KMT2C: variants seen among roughly 807,000 people sequenced by gnomAD.
The protein encoded by KMT2C is histone-lysine N-methyltransferase 2C.
KMT2C carries 88 observed loss-of-function variants against 507.9 expected under a neutral mutation model. The ratio of observed to expected loss-of-function variants is 0.17; its 90% CI spans 0.15 to 0.21. KMT2C has a LOEUF of 0.21. Among genes scored for constraint, KMT2C ranks in the 10% least tolerant of loss-of-function variants. The pLI is 1.00. For missense variants in KMT2C, 4,954 were observed against 5,957.8 expected, an observed-to-expected ratio of 0.83 and a Z score of 5.55; for synonymous variants, 2,049 against 2,080.8, an observed-to-expected ratio of 0.98 and a Z score of 0.42.
chr7:152,361,290 G>A (rs747147641), intron 1 of KMT2C, among the ~76,000 whole-genome samples: 4 of 152,190 alleles, frequency 2.6e-5, no homozygotes, highest in Non-Finnish European at 4.4e-5. Context: ...GCTGGGCACG[G>A]TGGCTCACGC....
chr7:152,346,310 T>G (rs1438555493), intron 2 of KMT2C, among the ~76,000 whole-genome samples: 1 of 152,160 alleles, frequency 6.6e-6, no homozygotes, highest in East Asian at 1.9e-4. Flanking sequence ...ATGGGACACT[T>G]ACAAGGTAGA....
intron 7 of KMT2C, among the ~76,000 whole-genome samples, chr7:152,266,711 C>T (rs1290950948): frequency 2.0e-5 from 3 of 152,292 alleles, no homozygotes; most frequent in African/African-American, 4.8e-5. Context: ...ATATTTTAGG[C>T]TTTGTGAGCC....
intron 55 of KMT2C, among the ~76,000 whole-genome samples, chr7:152,141,547 TAA>T (rs201057479): frequency 1.2e-4 from 16 of 130,290 alleles, no homozygotes; most frequent in East Asian, 2.2e-4. Context: ...CATCTCTACT[TAA>T]AAAAAAAAAA....
chr7:152,323,801 CAGGGA>C (rs1308678613), intron 3 of KMT2C, among the ~76,000 whole-genome samples: 1 of 78,840 alleles, frequency 1.3e-5, no homozygotes, highest in Non-Finnish European at 2.5e-5. Context: ...GGAAGGGAGG[CAGGGA>C]GGGGAGGGGA....
rs528796247 is a variant in KMT2C, at chr7:152,319,177, C to T, written c.390-3839G>A. ...TGTGGGCAGCAAGCCACCCAGGTGC[C>T]GAGGCAAGAGACCAAGGGCACGAGC... On this transcript the variant is annotated intron_variant, in intron 3 of 58. Coordinates refer to ENST00000262189, the MANE Select transcript of KMT2C (RefSeq NM_170606.3). Among the ~76,000 whole-genome samples the T allele has an allele frequency of 1.6e-4, 25 of 151,976 alleles. No homozygotes were observed. In the South Asian group the frequency reaches 4.8e-3, roughly 29 times the overall value.
chr7:152,227,637 G>A (rs969359802), intron 18 of KMT2C, among the ~76,000 whole-genome samples: 3 of 152,216 alleles, frequency 2.0e-5, no homozygotes, highest in African/African-American at 7.2e-5. Flanking sequence ...TGGCCTCGCT[G>A]AGGTTAGGGA....
intron 31 of KMT2C, among the ~76,000 whole-genome samples, chr7:152,189,841 A>G (rs61179006): frequency 0.05 from 7,619 of 152,190 alleles, 321 homozygotes; most frequent in East Asian, 0.17. Flanking sequence ...TGCCACATCT[A>G]TTTTCAACTT....
intron 26 of KMT2C, among the ~76,000 whole-genome samples, chr7:152,202,607 G>C (rs2094180337): frequency 6.6e-6 from 1 of 152,126 alleles, no homozygotes; most frequent in African/African-American, 2.4e-5. Context: ...AATTTCAACA[G>C]AACTTGGGTG....
intron 6 of KMT2C, among the ~76,000 whole-genome samples, chr7:152,296,066 T>C (rs749578615): frequency 7.8e-5 from 3 of 38,296 alleles, no homozygotes; most frequent in South Asian, 8.7e-4. Flanking sequence ...AGACTCCGTC[T>C]CAAAAAAAAA....
chr7:152,193,919 A>C, intron 31 of KMT2C, 90 bp downstream of exon 31: 1 of 1,232,898 alleles, frequency 8.1e-7, no homozygotes, highest in Non-Finnish European at 1.1e-6. Context: ...CTACTAAAGA[A>C]TAGGGCAAAA....
intron 31 of KMT2C, among the ~76,000 whole-genome samples, chr7:152,188,870 A>G (rs1260779172): frequency 1.3e-5 from 2 of 152,038 alleles, no homozygotes; most frequent in Non-Finnish European, 2.9e-5. Context: ...CAGCCTCCCA[A>G]AGTGCTGGGA....
At chr7:152,311,670 A>AT (rs925676725) in intron 5 of KMT2C, 128 bp downstream of exon 5, 3 of 704,260 alleles carry the variant, frequency 4.3e-6, no homozygotes, top group Non-Finnish European at 6.4e-6. Flanking sequence ...TTTAATAATG[A>AT]TTTTTTTATA....
chr7:152,364,017 A>G (rs1214925618), intron 1 of KMT2C, among the ~76,000 whole-genome samples: 1 of 152,208 alleles, frequency 6.6e-6, no homozygotes, highest in Non-Finnish European at 1.5e-5. Context: ...AGAGTGAGAC[A>G]CACCTTTAGG....
chr7:152,146,372 A>G (rs181075710), intron 53 of KMT2C, among the ~76,000 whole-genome samples: 1 of 152,324 alleles, frequency 6.6e-6, no homozygotes, highest in East Asian at 1.9e-4. Flanking sequence ...GCTTGCCTCC[A>G]GCCTGGAAGA....
intron 34 of KMT2C, among the ~76,000 whole-genome samples, chr7:152,184,239 C>CTA (rs151119215): frequency 8.2e-4 from 124 of 150,312 alleles, no homozygotes; most frequent in Admixed American, 2.6e-3. Flanking sequence ...ATTAACACAT[C>CTA]TATATATATA....
intron 43 of KMT2C, among the ~76,000 whole-genome samples, chr7:152,159,430 A>T (rs1052824865): frequency 1.3e-5 from 2 of 152,174 alleles, no homozygotes; most frequent in Non-Finnish European, 2.9e-5. Context: ...GTAGATGGCT[A>T]TAGGAGCCTC....
chr7:152,222,450 T>A, intron 21 of KMT2C, 123 bp downstream of exon 21: 1 of 556,256 alleles, frequency 1.8e-6, no homozygotes. Context: ...CATAAAATAC[T>A]TGTCAAAGTA....
At chr7:152,313,857 C>T (rs1461424512) in intron 4 of KMT2C, among the ~76,000 whole-genome samples, 2 of 152,050 alleles carry the variant, frequency 1.3e-5, no homozygotes, top group Non-Finnish European at 2.9e-5. Flanking sequence ...TAAGAATTTT[C>T]ACTAAAAATT....
chr7:152,255,124 TATATATATATATATATATATACATA>T (rs2095631550), intron 9 of KMT2C, among the ~76,000 whole-genome samples: 2 of 113,238 alleles, frequency 1.8e-5, no homozygotes, highest in African/African-American at 4.8e-5. Flanking sequence ...TATATATATA[TATATATATATATATATATATACATA>T]TATATATATG....
Sources: allele counts gnomAD v4.1 joint callset (sites outside exome capture counted in the v4.1 genomes callset), GRCh38; gene constraint gnomAD v4.1.1; transcripts MANE v1.5; gene names NCBI Gene and HGNC (gene_info 2026-07-23, HGNC 2026-07-21).